Variants in CTNNA3 observed in about 807,000 individuals in gnomAD.
CTNNA3 encodes catenin alpha 3, also known as catenin alpha-3.
Under a neutral mutation model 95.7 loss-of-function variants are expected in CTNNA3, and 76 were observed. The observed-to-expected ratio is 0.79, with a 90% confidence interval of 0.66 to 0.96. The LOEUF (loss-of-function observed/expected upper bound fraction) is 0.96, where lower values mean the gene tolerates loss of function less well. Ranked by LOEUF, CTNNA3 falls within the 40% of genes least tolerant of loss-of-function variation. The pLI, the probability that CTNNA3 is intolerant of heterozygous loss-of-function variation, is 0.00. For synonymous variants in CTNNA3, 431 were observed against 374.4 expected (o/e 1.15, Z -1.74); for missense variants, 1,191 against 1,089.8 (o/e 1.09, Z -1.31).
chr10:67,510,025 T>G (rs1434098002), intron 5 of CTNNA3, among the ~76,000 whole-genome samples: 1 of 152,232 alleles, frequency 6.6e-6, no homozygotes, highest in Admixed American at 6.5e-5. Context: ...CTTTCCTGAC[T>G]TTTTCATGGG....
chr10:67,311,868 T>C (rs1840816648), intron 5 of CTNNA3, among the ~76,000 whole-genome samples: 1 of 151,928 alleles, frequency 6.6e-6, no homozygotes, highest in Non-Finnish European at 1.5e-5. Context: ...TTCAATTCAT[T>C]TCCCCTAGTA....
intron 5 of CTNNA3, among the ~76,000 whole-genome samples, chr10:67,415,270 G>C (rs1307155903): frequency 1.3e-5 from 2 of 152,106 alleles, no homozygotes; most frequent in Non-Finnish European, 1.5e-5. Flanking sequence ...ACTGCTAAAA[G>C]GTTCCAAGAA....
chr10:66,128,341 C>A (rs1434044394), intron 13 of CTNNA3, among the ~76,000 whole-genome samples: 1 of 152,006 alleles, frequency 6.6e-6, no homozygotes, highest in South Asian at 2.1e-4. Context: ...AAAACCTGCA[C>A]ATATATTTAT....
At chr10:66,254,182 T>G (rs921420638) in intron 13 of CTNNA3, among the ~76,000 whole-genome samples, 1 of 152,026 alleles carries the variant, frequency 6.6e-6, no homozygotes, top group African/African-American at 2.4e-5. Flanking sequence ...TCGAGGAAAA[T>G]TACCTAGTGA....
chr10:67,095,620 C>T (rs996193603), intron 7 of CTNNA3, among the ~76,000 whole-genome samples: 1 of 151,656 alleles, frequency 6.6e-6, no homozygotes, highest in African/African-American at 2.4e-5. Context: ...TAAATCATCA[C>T]CATAGAAATT....
chr10:66,742,261 G>T (rs1055773270), intron 9 of CTNNA3, among the ~76,000 whole-genome samples: 1 of 152,110 alleles, frequency 6.6e-6, no homozygotes, highest in Non-Finnish European at 1.5e-5. Context: ...ATAAGCCCTG[G>T]TCTCCCATAG....
At chr10:65,922,229 G>A (rs2077098684) in intron 17 of CTNNA3, among the ~76,000 whole-genome samples, 1 of 152,128 alleles carries the variant, frequency 6.6e-6, no homozygotes, top group Non-Finnish European at 1.5e-5. Context: ...CCTTAACAGA[G>A]TGTCTAAAAT....
At chr10:65,947,326 C>A (rs1337935520) in intron 17 of CTNNA3, among the ~76,000 whole-genome samples, 2 of 152,132 alleles carry the variant, frequency 1.3e-5, no homozygotes, top group Admixed American at 6.6e-5. Context: ...ACTCTTACAA[C>A]AATTAGATGA....
At chr10:66,372,697 G>T (rs1446985188) in intron 12 of CTNNA3, among the ~76,000 whole-genome samples, 4 of 152,130 alleles carry the variant, frequency 2.6e-5, no homozygotes, top group African/African-American at 9.7e-5. Flanking sequence ...GGCTGGGCAG[G>T]CCTCAGGAAA....
intron 3 of CTNNA3, among the ~76,000 whole-genome samples, chr10:67,579,073 C>T (rs918864317): frequency 2.1e-5 from 3 of 140,184 alleles, no homozygotes; most frequent in Admixed American, 7.5e-5. Flanking sequence ...AGTTGTTATA[C>T]TTTAAGTTCT....
chr10:66,291,732 A>G (rs2091683486), intron 12 of CTNNA3, among the ~76,000 whole-genome samples: 1 of 151,722 alleles, frequency 6.6e-6, no homozygotes, highest in African/African-American at 2.4e-5. Context: ...TAAATTATAT[A>G]TATGTGTATT....
chr10:66,643,018 C>A (rs1400709156), intron 9 of CTNNA3, among the ~76,000 whole-genome samples: 4 of 152,014 alleles, frequency 2.6e-5, no homozygotes, highest in African/African-American at 9.7e-5. Context: ...CATAGATACA[C>A]ATATATAGAT....
At chr10:66,040,400 T>A (rs2079660373) in intron 15 of CTNNA3, among the ~76,000 whole-genome samples, 1 of 151,996 alleles carries the variant, frequency 6.6e-6, no homozygotes, top group Admixed American at 6.6e-5. Context: ...GAATATAAAT[T>A]GTTCTATTGT....
intron 13 of CTNNA3, among the ~76,000 whole-genome samples, chr10:66,209,962 A>G (rs2088026564): frequency 6.6e-6 from 1 of 152,158 alleles, no homozygotes; most frequent in Non-Finnish European, 1.5e-5. Context: ...CACTAAGAAG[A>G]AATGTAGTGG....
intron 12 of CTNNA3, among the ~76,000 whole-genome samples, chr10:66,337,042 G>A (rs2092405047): frequency 6.6e-6 from 1 of 151,982 alleles, no homozygotes; most frequent in Admixed American, 6.5e-5. Flanking sequence ...TCATTAAATA[G>A]ATTTGGGAAA....
rs1034322528 is a variant in CTNNA3 at position 67,579,623 on chromosome 10, C to T, written c.292+27234G>A. Among the ~76,000 whole-genome samples the T allele has an allele frequency of 1.1e-4, 16 of 152,300 alleles. No homozygotes were observed. The East Asian group carries it at 1.4e-3, about 13-fold the overall frequency. ...TTCTAGTTCTAGATCCTTGAGGAAT[C>T]GCCACACTGTCTTCGACAATGGTTG... On this transcript the variant is annotated intron_variant, in intron 3 of 17. Coordinates refer to ENST00000433211, the MANE Select transcript of CTNNA3 (RefSeq NM_013266.4).
intron 17 of CTNNA3, among the ~76,000 whole-genome samples, chr10:65,943,156 T>C (rs2601756): frequency 0.7 from 106,229 of 151,308 alleles, 37,590 homozygotes; most frequent in Middle Eastern, 0.79. Context: ...CTCCGCCTCC[T>C]GGGCTCACGC....
intron 10 of CTNNA3, among the ~76,000 whole-genome samples, chr10:66,595,879 C>T (rs1843697857): frequency 6.6e-6 from 1 of 151,816 alleles, no homozygotes; most frequent in South Asian, 2.1e-4. Flanking sequence ...AAACTCCTGG[C>T]CTCAAGTCAT....
chr10:67,136,995 A>C (rs549970475), intron 7 of CTNNA3, among the ~76,000 whole-genome samples: 3 of 152,298 alleles, frequency 2.0e-5, no homozygotes, highest in Non-Finnish European at 4.4e-5. Flanking sequence ...CTAAACTCCA[A>C]CATCAGAGTA....
Sources: gnomAD v4.1 joint callset for allele counts (sites outside exome capture counted in the v4.1 genomes callset) on GRCh38, gnomAD v4.1.1 for gene constraint, MANE v1.5 for transcripts, NCBI Gene and HGNC (gene_info 2026-07-23, HGNC 2026-07-21) for gene names.